The following FRAS1 variants were observed in gnomAD, a reference collection of about 807,000 sequenced individuals.
FRAS1 encodes the protein Fraser extracellular matrix complex subunit 1.
FRAS1 carries 290 observed loss-of-function variants against 435.2 expected under a neutral mutation model. The observed-to-expected ratio is 0.67, with a 90% CI of 0.61 to 0.73. The LOEUF is 0.73. Among genes scored for constraint, FRAS1 ranks in the 30% least tolerant of loss-of-function variants. The pLI is 0.00. For synonymous variants in FRAS1, 1,800 were observed against 1,851.0 expected, an observed-to-expected ratio of 0.97 and a Z score of 0.71; for missense variants, 4,860 against 5,001.5, an observed-to-expected ratio of 0.97 and a Z score of 0.85.
chr4:78,513,567 T>A lies in FRAS1; in HGVS notation c.10174+15T>A. ...AGGCATCTCAGGTGAGATTGACAAG[T>A]TCAGGACTGGTCTTTCCATGCTAGC... On this transcript the variant is annotated intron_variant, in intron 65 of 73. Coordinates refer to ENST00000512123, the MANE Select transcript of FRAS1 (RefSeq NM_025074.7). 6.2e-7 allele frequency: 1 copy of A among 1,611,422 alleles called. No homozygotes were observed. Among genetic ancestry groups the A allele is most frequent in the Non-Finnish European group, 8.5e-7 (1 of 1,178,596 alleles).
At chr4:78,285,229 G>A (rs983430874) in intron 13 of FRAS1, among the ~76,000 whole-genome samples, 6 of 151,588 alleles carry the variant, frequency 4.0e-5, no homozygotes, top group African/African-American at 7.3e-5. Context: ...GTGTGGTGGC[G>A]CACGCCTGTA....
At chr4:78,372,494 G>A (rs1280679703) in intron 23 of FRAS1, among the ~76,000 whole-genome samples, 2 of 152,188 alleles carry the variant, frequency 1.3e-5, no homozygotes, top group East Asian at 3.8e-4. Flanking sequence ...AGCATAGAGT[G>A]CTCCTTGTAC....
At chr4:78,536,135 G>A (rs2109907333) in intron 71 of FRAS1, among the ~76,000 whole-genome samples, 1 of 151,760 alleles carries the variant, frequency 6.6e-6, no homozygotes, top group Non-Finnish European at 1.5e-5. Flanking sequence ...CCGACACATA[G>A]GAAACGGCCT....
chr4:78,492,572 T>G (rs936298906), intron 59 of FRAS1, among the ~76,000 whole-genome samples: 3 of 152,074 alleles, frequency 2.0e-5, no homozygotes, highest in African/African-American at 4.8e-5. Flanking sequence ...ATAAATGGTG[T>G]TGGGAAAACT....
In FRAS1 at chr4:78,073,342, C is replaced by T. The variant is rs370282818; in HGVS notation, c.108+7326C>T. Among the ~76,000 whole-genome samples, 47 of 152,262 alleles carry T rather than the reference C, an allele frequency of 3.1e-4. No individual in the cohort carries two copies. The South Asian group carries it at 9.7e-3, about 32-fold the overall frequency. On this transcript the variant is annotated intron_variant, in intron 2 of 73. Coordinates refer to ENST00000512123, the MANE Select transcript of FRAS1 (RefSeq NM_025074.7). ...GGTAGGAACAGATGTTTTAAGTTAACAAACACATTTCTTATGCTTTGTTTT... is the reference window on the plus strand; with the variant it reads ...GGTAGGAACAGATGTTTTAAGTTAATAAACACATTTCTTATGCTTTGTTTT...
At chr4:78,354,697 A>G (rs1730783334) in intron 20 of FRAS1, among the ~76,000 whole-genome samples, 1 of 152,236 alleles carries the variant, frequency 6.6e-6, no homozygotes, top group South Asian at 2.1e-4. Flanking sequence ...ATGTCGTTGC[A>G]TTAAGAACCT....
Position 78,472,259 on chromosome 4 carries a change from C to A in FRAS1, c.7451C>A (p.Thr2484Lys). Reference sequence around the variant, plus strand: ...GACGCGCAGCTTGTCTATGAGATAACGACGGGCCCTAAGCATGGCTTTGTG... The same window carrying A: ...GACGCGCAGCTTGTCTATGAGATAAAGACGGGCCCTAAGCATGGCTTTGTG... ...TEDAQLVYEI[T>K]TGPKHGFVEN... The change falls in exon 52 of 74, where the codon ACG (threonine) becomes AAG (lysine). Residue 2484 changes from threonine (T) to lysine (K), a missense_variant. Thr to Lys is a moderately conservative substitution (Grantham distance 78, BLOSUM62 -1). Transcript: ENST00000512123. 3.7e-6 allele frequency: 6 copies of A among 1,613,698 alleles called. No individual in the cohort carries two copies. Among genetic ancestry groups the A allele is most frequent in the Non-Finnish European group, 5.1e-6 (6 of 1,179,732 alleles).
At chr4:78,142,619 A>T (rs770607606) in intron 2 of FRAS1, among the ~76,000 whole-genome samples, 36 of 152,158 alleles carry the variant, frequency 2.4e-4, no homozygotes, top group Admixed American at 7.2e-4. Context: ...AAGGACGAAG[A>T]GCAATAAAAA....
chr4:78,445,259 G>GT (rs1032346420), intron 41 of FRAS1, among the ~76,000 whole-genome samples: 6 of 152,060 alleles, frequency 3.9e-5, no homozygotes, highest in Non-Finnish European at 5.9e-5. Context: ...ATTATTGTAA[G>GT]TTTTTTTGCA....
At chr4:78,184,950 T>C (rs994309034) in intron 2 of FRAS1, among the ~76,000 whole-genome samples, 1 of 152,224 alleles carries the variant, frequency 6.6e-6, no homozygotes, top group Non-Finnish European at 1.5e-5. Context: ...TAGTTTAGCC[T>C]AGCCCTGTTG....
At chr4:78,292,698 G>A (rs550230622) in intron 14 of FRAS1, among the ~76,000 whole-genome samples, 34 of 152,250 alleles carry the variant, frequency 2.2e-4, no homozygotes, top group South Asian at 2.1e-4. Context: ...AGCCCTCCTC[G>A]CAAGACAGGG....
rs946380702 is a variant in FRAS1, at chr4:78,544,180, T to G, written c.*3056T>G. On this transcript the variant is annotated 3_prime_UTR_variant, in exon 74 of 74. Transcript: ENST00000512123. ...TCTCAAATGATTTTTGTATTTCCAATATGAATTTGTGTGTTATGAATTTCT... is the reference window on the plus strand; with the variant it reads ...TCTCAAATGATTTTTGTATTTCCAAGATGAATTTGTGTGTTATGAATTTCT... 9 of 152,816 alleles carry G rather than the reference T, an allele frequency of 5.9e-5. No individual in the cohort carries two copies. The highest frequency in any genetic ancestry group is 1.9e-4 in the African/African-American group (8 of 41,600). 9.5% of individuals were successfully genotyped at this position (152,816 alleles called of 1,614,324 possible).
At chr4:78,517,300 T>C (rs1379735212) in intron 66 of FRAS1, among the ~76,000 whole-genome samples, 1 of 152,252 alleles carries the variant, frequency 6.6e-6, no homozygotes, top group Non-Finnish European at 1.5e-5. Context: ...ATTTCTCCAG[T>C]TGTATAAACT....
chr4:78,305,035 G>A (rs1728636019), intron 14 of FRAS1, among the ~76,000 whole-genome samples: 1 of 152,204 alleles, frequency 6.6e-6, no homozygotes, highest in Non-Finnish European at 1.5e-5. Flanking sequence ...TGCTTTGAAT[G>A]TGTCCCAGAG....
chr4:78,268,758 C>G (rs925473157), intron 9 of FRAS1, among the ~76,000 whole-genome samples: 2 of 152,190 alleles, frequency 1.3e-5, no homozygotes, highest in East Asian at 3.8e-4. Context: ...CTGCTGCTGT[C>G]GGCTGTGACA....
rs966697846 is a variant in FRAS1 at position 78,372,379 on chromosome 4, C to T, written c.2870-339C>T. On this transcript the variant is annotated intron_variant, in intron 23 of 73. Coordinates refer to ENST00000512123, the MANE Select transcript of FRAS1 (RefSeq NM_025074.7). ...GTTTGTGGGGCAAGTTGGCCACTCC[C>T]TGCGGCAGGTTTTGCATGAAGACTT... Among the ~76,000 whole-genome samples, 5 of 152,242 alleles carry T rather than the reference C, an allele frequency of 3.3e-5. No homozygotes were observed. In the East Asian group the frequency reaches 5.8e-4, roughly 18 times the overall value.
At chr4:78,125,468 G>C (rs1248354343) in intron 2 of FRAS1, among the ~76,000 whole-genome samples, 1 of 152,214 alleles carries the variant, frequency 6.6e-6, no homozygotes, top group African/African-American at 2.4e-5. Flanking sequence ...ATGTTCTGTT[G>C]ATTTGGGGTG....
At chr4:78,376,529 T>A (rs943263178) in intron 26 of FRAS1, among the ~76,000 whole-genome samples, 8 of 152,318 alleles carry the variant, frequency 5.3e-5, no homozygotes, top group East Asian at 3.9e-4. Flanking sequence ...AATTTATTTA[T>A]ATTTATATAA....
intron 2 of FRAS1, among the ~76,000 whole-genome samples, chr4:78,207,421 T>G (rs1199026290): frequency 6.6e-6 from 1 of 152,216 alleles, no homozygotes; most frequent in South Asian, 2.1e-4. Context: ...GGGAAGCTTT[T>G]AAAGCAAAGT....
Sources: gnomAD v4.1 joint callset for allele counts (sites outside exome capture counted in the v4.1 genomes callset) on GRCh38, gnomAD v4.1.1 for gene constraint, MANE v1.5 for transcripts, NCBI Gene and HGNC (gene_info 2026-07-23, HGNC 2026-07-21) for gene names.